PPP1R12A: variants seen among roughly 807,000 people sequenced by gnomAD.
The protein encoded by PPP1R12A is myosin binding subunit.
A neutral mutation model predicts 139.6 loss-of-function variants in PPP1R12A; 19 were observed. The ratio of observed to expected loss-of-function variants is 0.14; its 90% confidence interval spans 0.09 to 0.20. The LOEUF is 0.20. PPP1R12A is among the 10% of genes least tolerant of loss of function. The pLI is 1.00. For missense variants in PPP1R12A, 925 were observed against 1,211.5 expected, an observed-to-expected ratio of 0.76 and a Z score of 3.51; for synonymous variants, 427 against 420.6, an observed-to-expected ratio of 1.02 and a Z score of -0.19.
At chr12:79,870,257 G>C (rs1044735650) in intron 2 of PPP1R12A, among the ~76,000 whole-genome samples, 2 of 151,914 alleles carry the variant, frequency 1.3e-5, no homozygotes, top group African/African-American at 4.8e-5. Context: ...AGAGTAGCTG[G>C]GACACATCAT....
At chr12:79,843,710 T>C (rs1879049280) in intron 3 of PPP1R12A, among the ~76,000 whole-genome samples, 1 of 141,992 alleles carries the variant, frequency 7.0e-6, no homozygotes, top group Non-Finnish European at 1.5e-5. Flanking sequence ...TGCTGGATCA[T>C]TTTTTTTTTT....
chr12:79,841,910 C>A (rs1487247121), intron 3 of PPP1R12A, among the ~76,000 whole-genome samples: 1 of 152,084 alleles, frequency 6.6e-6, no homozygotes, highest in East Asian at 1.9e-4. Flanking sequence ...TTTTCTATTG[C>A]ATTTCTTGTT....
intron 9 of PPP1R12A, among the ~76,000 whole-genome samples, chr12:79,815,129 C>A (rs1381845291): frequency 6.6e-6 from 1 of 152,074 alleles, no homozygotes; most frequent in African/African-American, 2.4e-5. Flanking sequence ...TTGAGAACTA[C>A]ATTGCCATAA....
rs554090503 is a variant in PPP1R12A, at chr12:79,884,944, G to A, written c.238-12006C>T. ...ACAAGGTGTTTATACAATGCTCAAAGCAGACAGAGTCCATGACTTAAAGAC... is the reference window on the plus strand; with the variant it reads ...ACAAGGTGTTTATACAATGCTCAAAACAGACAGAGTCCATGACTTAAAGAC... On this transcript the variant is annotated intron_variant, in intron 1 of 24. Coordinates refer to ENST00000450142, the MANE Select transcript of PPP1R12A (RefSeq NM_002480.3). Among the ~76,000 whole-genome samples the A allele has an allele frequency of 2.6e-5, 4 of 152,192 alleles. No individual in the cohort carries two copies. The South Asian group carries it at 6.2e-4, about 24-fold the overall frequency.
chr12:79,889,079 A>G (rs943479684), intron 1 of PPP1R12A, among the ~76,000 whole-genome samples: 1 of 152,246 alleles, frequency 6.6e-6, no homozygotes, highest in Admixed American at 6.5e-5. Flanking sequence ...TAATTTATGG[A>G]CTAATATGAA....
chr12:79,929,176 G>A (rs1202088993), intron 1 of PPP1R12A, among the ~76,000 whole-genome samples: 4 of 152,146 alleles, frequency 2.6e-5, no homozygotes, highest in East Asian at 3.9e-4. Flanking sequence ...GTTCACAATA[G>A]GGTCCGCACT....
chr12:79,850,004 A>G (rs1032849864), intron 2 of PPP1R12A, among the ~76,000 whole-genome samples: 1 of 152,020 alleles, frequency 6.6e-6, no homozygotes, highest in Admixed American at 6.6e-5. Flanking sequence ...TAAAAAAAAA[A>G]AAATTTAGGG....
intron 3 of PPP1R12A, among the ~76,000 whole-genome samples, chr12:79,835,532 A>T (rs1021565984): frequency 6.6e-6 from 1 of 152,262 alleles, no homozygotes; most frequent in Admixed American, 6.5e-5. Flanking sequence ...CCCTATCACT[A>T]TGCTAGTTCA....
At chr12:79,864,275 T>C (rs929957141) in intron 2 of PPP1R12A, among the ~76,000 whole-genome samples, 1 of 152,196 alleles carries the variant, frequency 6.6e-6, no homozygotes, top group Non-Finnish European at 1.5e-5. Flanking sequence ...GAGATAAAGA[T>C]GTTCTTTGAA....
At position 79,850,303 on chromosome 12, in the gene PPP1R12A, T is replaced by G. The variant is rs184697321; in HGVS notation, c.369-4883A>C. ...TAACTGGAAAATCTAACAAAAGGTA[T>G]AAAGTTAACAAAGCTATTGGTTGCA... is the stretch of plus-strand genomic sequence containing the variant. On this transcript the variant is annotated intron_variant, in intron 2 of 24. Coordinates refer to ENST00000450142, the MANE Select transcript of PPP1R12A (RefSeq NM_002480.3). Among the ~76,000 whole-genome samples, 1,001 of 150,718 alleles carry G rather than the reference T, an allele frequency of 6.6e-3. 10 individuals carry two copies. Among genetic ancestry groups the G allele is most frequent in the African/African-American group, 0.024 (970 of 40,054 alleles).
At chr12:79,883,853 G>T (rs969134461) in intron 1 of PPP1R12A, among the ~76,000 whole-genome samples, 1 of 152,118 alleles carries the variant, frequency 6.6e-6, no homozygotes, top group African/African-American at 2.4e-5. Flanking sequence ...GCTAGAAATA[G>T]AAAGTTCAAG....
In PPP1R12A at chr12:79,775,067, G is replaced by A. The variant is rs1490646501; in HGVS notation, c.*862C>T. Reference sequence around the variant, plus strand: ...AAGAAATAGTCAAGCATGCCATGTGGTGGTCTAAAAATCAAAACAATACAC... The same window carrying A: ...AAGAAATAGTCAAGCATGCCATGTGATGGTCTAAAAATCAAAACAATACAC... On this transcript the variant is annotated 3_prime_UTR_variant, in exon 25 of 25. Transcript: ENST00000450142. 6.6e-6 allele frequency: 1 copy of A among 152,452 alleles called. No individual in the cohort carries two copies. Among genetic ancestry groups the A allele is most frequent in the Non-Finnish European group, 1.5e-5 (1 of 67,956 alleles). 9.4% of individuals were successfully genotyped at this position (152,452 alleles called of 1,614,324 possible).
At chr12:79,812,812 A>C (rs918593662) in intron 9 of PPP1R12A, among the ~76,000 whole-genome samples, 11 of 152,080 alleles carry the variant, frequency 7.2e-5, no homozygotes, top group Non-Finnish European at 1.3e-4. Flanking sequence ...CACTAAGTAT[A>C]TCTCTTCAAT....
At chr12:79,872,740 T>C in intron 2 of PPP1R12A, 68 bp downstream of exon 2, 1 of 1,499,190 alleles carries the variant, frequency 6.7e-7, no homozygotes, top group African/African-American at 1.4e-5. Flanking sequence ...TTTATCTTTA[T>C]CACTTCAATA....
At chr12:79,856,573 C>T (rs1880682307) in intron 2 of PPP1R12A, among the ~76,000 whole-genome samples, 1 of 152,284 alleles carries the variant, frequency 6.6e-6, no homozygotes, top group East Asian at 1.9e-4. Context: ...TCTAAGACTT[C>T]GAACTGTCTT....
At chr12:79,824,686 G>A (rs1198363187) in intron 5 of PPP1R12A, among the ~76,000 whole-genome samples, 1 of 152,146 alleles carries the variant, frequency 6.6e-6, no homozygotes, top group Non-Finnish European at 1.5e-5. Context: ...CAGTCATGAA[G>A]TTATAAACAT....
At chr12:79,802,537 C>T (rs568069118) in intron 14 of PPP1R12A, among the ~76,000 whole-genome samples, 2 of 152,192 alleles carry the variant, frequency 1.3e-5, no homozygotes, top group East Asian at 1.9e-4. Flanking sequence ...TATTCCAGCA[C>T]GCTGGGAGGT....
chr12:79,821,283 GAAAT>G (rs1041085813), intron 6 of PPP1R12A, 117 bp from the exon 7 acceptor site: 4 of 655,740 alleles, frequency 6.1e-6, no homozygotes, highest in Admixed American at 6.2e-5. Context: ...ACAAAACAAA[GAAAT>G]AAATAAATTA....
At chr12:79,919,965 A>G (rs1202271654) in intron 1 of PPP1R12A, among the ~76,000 whole-genome samples, 1 of 152,256 alleles carries the variant, frequency 6.6e-6, no homozygotes, top group Non-Finnish European at 1.5e-5. Context: ...TGCAACTGTC[A>G]GCACAATTTT....
Sources: gnomAD v4.1 joint callset for allele counts (sites outside exome capture counted in the v4.1 genomes callset) on GRCh38, gnomAD v4.1.1 for gene constraint, MANE v1.5 for transcripts, NCBI Gene and HGNC (gene_info 2026-07-23, HGNC 2026-07-21) for gene names.